The following THSD4 variants were observed in gnomAD, a reference collection of about 807,000 sequenced individuals.
THSD4 encodes the protein thrombospondin type-1 domain-containing protein 4.
Under a neutral mutation model 119.0 loss-of-function variants are expected in THSD4, and 69 were observed. The ratio of observed to expected loss-of-function variants is 0.58; its 90% CI spans 0.48 to 0.71. The LOEUF (loss-of-function observed/expected upper bound fraction) is 0.71. THSD4 is among the 30% of genes least tolerant of loss of function. The pLI, the probability that THSD4 is intolerant of heterozygous loss-of-function variation, is 0.00. For missense variants in THSD4, 1,393 were observed against 1,391.1 expected (o/e 1.00, Z -0.02); for synonymous variants, 524 against 540.4 (o/e 0.97, Z 0.42).
At chr15:71,484,332 T>C (rs1316367950) in intron 7 of THSD4, among the ~76,000 whole-genome samples, 1 of 152,334 alleles carries the variant, frequency 6.6e-6, no homozygotes, top group South Asian at 2.1e-4. Context: ...GCTGTTTTCA[T>C]GAGTAAGATC....
chr15:71,290,515 T>C (rs2044775935), intron 6 of THSD4, among the ~76,000 whole-genome samples: 1 of 152,176 alleles, frequency 6.6e-6, no homozygotes, highest in Non-Finnish European at 1.5e-5. Context: ...TTAAAAACTG[T>C]TGTTTACAAT....
chr15:71,773,940 C>G (rs1403230371), intron 17 of THSD4, among the ~76,000 whole-genome samples: 1 of 152,092 alleles, frequency 6.6e-6, no homozygotes, highest in Non-Finnish European at 1.5e-5. Context: ...AAAATTAAAT[C>G]CCCAATATAG....
intron 7 of THSD4, among the ~76,000 whole-genome samples, chr15:71,635,176 G>A (rs2050715701): frequency 6.6e-6 from 1 of 152,218 alleles, no homozygotes; most frequent in Non-Finnish European, 1.5e-5. Flanking sequence ...TGCAGGGAAT[G>A]TAGGACTTCA....
At chr15:71,381,537 T>C (rs1053154430) in intron 6 of THSD4, among the ~76,000 whole-genome samples, 2 of 152,216 alleles carry the variant, frequency 1.3e-5, no homozygotes, top group Non-Finnish European at 2.9e-5. Flanking sequence ...CTTAAGGTTG[T>C]CAGAAACCTG....
chr15:71,733,908 TCC>T (rs1251301863), intron 10 of THSD4: 3 of 75,462 alleles, frequency 4.0e-5, no homozygotes, highest in African/African-American at 1.7e-4. Context: ...AGACTCTGTC[TCC>T]AAAAAAAAAA....
At chr15:71,357,170 C>T (rs2045826200) in intron 6 of THSD4, among the ~76,000 whole-genome samples, 1 of 152,232 alleles carries the variant, frequency 6.6e-6, no homozygotes. Flanking sequence ...CCTTCTGCCT[C>T]CTGCCTTCTT....
At chr15:71,585,056 A>T (rs1401507493) in intron 7 of THSD4, among the ~76,000 whole-genome samples, 1 of 152,228 alleles carries the variant, frequency 6.6e-6, no homozygotes, top group Non-Finnish European at 1.5e-5. Flanking sequence ...AAATTATTGT[A>T]GCCATAGTTA....
rs1181348692 is a variant in THSD4 at position 71,769,928 on chromosome 15, TA to T, written c.2770-1115del. 7.8e-3 allele frequency among the ~76,000 whole-genome samples: 344 copies of T among 44,284 alleles called. 7 individuals carry two copies. Among genetic ancestry groups the T allele is most frequent in the Middle Eastern group, 0.031 (3 of 96 alleles). 29.1% of individuals were successfully genotyped at this position (44,284 alleles called of 152,430 possible). On this transcript the variant is annotated intron_variant, in intron 16 of 17. Transcript: ENST00000261862. ...GAATTATCAATAAAAAAAATAAATT[TA>T]AAAAAAAAAAAAAAAAAAAAGAATG...
At chr15:71,505,801 C>A (rs747850175) in intron 7 of THSD4, among the ~76,000 whole-genome samples, 1 of 152,110 alleles carries the variant, frequency 6.6e-6, no homozygotes, top group African/African-American at 2.4e-5. Flanking sequence ...GATACCCATG[C>A]GATTAATAGT....
At chr15:71,571,310 C>T (rs1359756999) in intron 7 of THSD4, among the ~76,000 whole-genome samples, 1 of 151,928 alleles carries the variant, frequency 6.6e-6, no homozygotes, top group Non-Finnish European at 1.5e-5. Context: ...AAGGGCTTCC[C>T]TGAGGGGTAG....
At chr15:71,611,210 T>C (rs4255744) in intron 7 of THSD4, among the ~76,000 whole-genome samples, 108,986 of 152,194 alleles carry the variant, frequency 0.72, 39,531 homozygotes, top group East Asian at 0.99. Flanking sequence ...ACAGCCAGTT[T>C]CAGCGCATGG....
chr15:71,661,725 A>G (rs2051312499), intron 8 of THSD4, among the ~76,000 whole-genome samples: 1 of 152,164 alleles, frequency 6.6e-6, no homozygotes, highest in Non-Finnish European at 1.5e-5. Flanking sequence ...TGAATTTCTA[A>G]TAGATGTAAG....
chr15:71,754,758 T>A (rs184073345), intron 14 of THSD4, among the ~76,000 whole-genome samples: 1 of 152,292 alleles, frequency 6.6e-6, no homozygotes. Context: ...CCAATTTTGT[T>A]TGATGTTAAT....
intron 6 of THSD4, among the ~76,000 whole-genome samples, chr15:71,299,970 A>T (rs1202904393): frequency 1.3e-4 from 10 of 76,042 alleles, no homozygotes; most frequent in Non-Finnish European, 2.3e-4. Flanking sequence ...CAAAAAAAAA[A>T]AAAAAAATAT....
At chr15:71,704,001 C>A (rs2052345288) in intron 8 of THSD4, among the ~76,000 whole-genome samples, 1 of 152,110 alleles carries the variant, frequency 6.6e-6, no homozygotes, top group South Asian at 2.1e-4. Context: ...AGGCGCCCAC[C>A]ACCACGCCCG....
chr15:71,125,551 C>A (rs2141356763), intron 1 of THSD4, among the ~76,000 whole-genome samples: 1 of 152,354 alleles, frequency 6.6e-6, no homozygotes, highest in Non-Finnish European at 1.5e-5. Context: ...CAGAGTTTCC[C>A]CTCCCGGGTC....
chr15:71,456,028 C>G (rs1462332482), intron 7 of THSD4, among the ~76,000 whole-genome samples: 3 of 152,208 alleles, frequency 2.0e-5, no homozygotes, highest in Non-Finnish European at 4.4e-5. Context: ...CTTTTGTAAG[C>G]AAAGTCAGGC....
intron 8 of THSD4, among the ~76,000 whole-genome samples, chr15:71,667,151 G>A (rs984500285): frequency 3.3e-5 from 5 of 152,070 alleles, no homozygotes; most frequent in African/African-American, 1.2e-4. Context: ...ATGAGTTCTA[G>A]AGTCCTAAAT....
At chr15:71,372,772 C>T (rs746550228) in intron 6 of THSD4, among the ~76,000 whole-genome samples, 5 of 152,344 alleles carry the variant, frequency 3.3e-5, no homozygotes, top group East Asian at 3.9e-4. Flanking sequence ...TCTCAAACTC[C>T]GTACTAGGAG....
Sources: gnomAD v4.1 joint callset for allele counts (sites outside exome capture counted in the v4.1 genomes callset) on GRCh38, gnomAD v4.1.1 for gene constraint, MANE v1.5 for transcripts, NCBI Gene and HGNC (gene_info 2026-07-23, HGNC 2026-07-21) for gene names.